Variants in PCDHGA10 observed in about 807,000 individuals in gnomAD.
The protein encoded by PCDHGA10 is protocadherin gamma subfamily A, 10.
PCDHGA10 carries 42 observed loss-of-function variants against 59.5 expected under a neutral mutation model. The ratio of observed to expected loss-of-function variants is 0.71; its 90% CI spans 0.55 to 0.91. PCDHGA10 has a LOEUF of 0.91. PCDHGA10 is among the 40% of genes least tolerant of loss of function. PCDHGA10 has a pLI of 0.00. For missense variants in PCDHGA10, 1,111 were observed against 1,198.2 expected (o/e 0.93, Z 1.07); for synonymous variants, 511 against 517.2 (o/e 0.99, Z 0.16).
intron 1 of PCDHGA10, among the ~76,000 whole-genome samples, chr5:141,465,879 T>C (rs979784878): frequency 6.6e-6 from 1 of 152,062 alleles, no homozygotes; most frequent in African/African-American, 2.4e-5. Context: ...TCCCAGCACT[T>C]TGGGAGGCCG....
Position 141,486,059 on chromosome 5 carries a change from C to A in PCDHGA10, c.2437-8748C>A. On this transcript the variant is annotated intron_variant, in intron 1 of 3. Transcript: ENST00000398610. This position sits in a 1 kb window ranked among gnomAD's most constrained non-coding sequence, Gnocchi z 5.0. ...TCGTGTAAGAAACCTCTTTAGCCTG[C>A]ACCCCACTACTGGAAAGCTTACTCT... 1 of 1,614,152 alleles carries A rather than the reference C, an allele frequency of 6.2e-7. No homozygotes were observed. Among genetic ancestry groups the A allele is most frequent in the Non-Finnish European group, 8.5e-7 (1 of 1,180,010 alleles).
Position 141,438,021 on chromosome 5 carries a change from G to T in PCDHGA10, c.2436+22410G>T, listed in dbSNP as rs112167613. ...CTCCCAAATAGCTGAGATTACAGGT[G>T]TGAGCCACCATGCCCGACCACTTTG... On this transcript the variant is annotated intron_variant, in intron 1 of 3. Transcript: ENST00000398610. Among the ~76,000 whole-genome samples the T allele has an allele frequency of 1.6e-3, 250 of 152,256 alleles. 2 individuals are homozygous for T. Among genetic ancestry groups the T allele is most frequent in the African/African-American group, 5.3e-3 (221 of 41,544 alleles).
At chr5:141,427,712 C>CCTGG (rs1319672065) in intron 1 of PCDHGA10, 7 of 1,051,350 alleles carry the variant, frequency 6.7e-6, no homozygotes, top group Non-Finnish European at 1.0e-5. Context: ...GCGCCTCTGA[C>CCTGG]CTGGACCTAG....
intron 1 of PCDHGA10, among the ~76,000 whole-genome samples, chr5:141,474,062 C>G (rs745636246): frequency 6.6e-6 from 1 of 152,104 alleles, no homozygotes; most frequent in Non-Finnish European, 1.5e-5. Flanking sequence ...AGAGCGAGAT[C>G]CTGCCTCAGA....
At position 141,505,499 on chromosome 5, in the gene PCDHGA10, G is replaced by A. The variant is rs753203943; in HGVS notation, c.2584+18G>A. ...CGCCAGTGGTAAGTGGTGTCAGTGT[G>A]TGTATGGAAGAGTGGGAGACCTGGG... is the stretch of plus-strand genomic sequence containing the variant. On this transcript the variant is annotated intron_variant, in intron 3 of 3. Transcript: ENST00000398610. 6.2e-7 allele frequency: 1 copy of A among 1,614,172 alleles called. No homozygotes were observed. The highest frequency in any genetic ancestry group is 8.5e-7 in the Non-Finnish European group (1 of 1,179,982).
At chr5:141,435,902 A>G (rs896786345) in intron 1 of PCDHGA10, among the ~76,000 whole-genome samples, 1 of 152,194 alleles carries the variant, frequency 6.6e-6, no homozygotes, top group Non-Finnish European at 1.5e-5. Flanking sequence ...AATGAAAGAC[A>G]TCCAAGGGCT....
rs1362496624 is a variant in PCDHGA10, at chr5:141,432,370, C to T, written c.2436+16759C>T. On this transcript the variant is annotated intron_variant, in intron 1 of 3. Coordinates refer to ENST00000398610, the MANE Select transcript of PCDHGA10 (RefSeq NM_018913.3). This position sits in a 1 kb window ranked among gnomAD's most constrained non-coding sequence, Gnocchi z 6.0. ...AAGTGAAAGTGATGGCGCGGGACAA[C>T]GGGCACCCGCCCCTCAGCAGCAACG... The T allele has an allele frequency of 6.2e-7, 1 of 1,614,240 alleles. No individual in the cohort carries two copies. Among genetic ancestry groups the T allele is most frequent in the Non-Finnish European group, 8.5e-7 (1 of 1,180,048 alleles).
At position 141,486,931 on chromosome 5, in the gene PCDHGA10, T is replaced by C. The variant is rs201042803; in HGVS notation, c.2437-7876T>C. 2 of 1,614,258 alleles carry C rather than the reference T, an allele frequency of 1.2e-6. No homozygotes were observed. Among genetic ancestry groups the C allele is most frequent in the East Asian group, 2.2e-5 (1 of 44,876 alleles). ...AAGCACTGCCTCCATCAGTTGGTGC[T>C]GGCCACCTAATCACAAAGGTGACTG... On this transcript the variant is annotated intron_variant, in intron 1 of 3. Coordinates refer to ENST00000398610, the MANE Select transcript of PCDHGA10 (RefSeq NM_018913.3). This position sits in a 1 kb window ranked among gnomAD's most constrained non-coding sequence, Gnocchi z 5.0.
In PCDHGA10 at chr5:141,486,047, C is replaced by T. The variant is rs763394605; in HGVS notation, c.2437-8760C>T. Reference sequence around the variant, plus strand: ...TCATACCCCTGATCGTGTAAGAAACCTCTTTAGCCTGCACCCCACTACTGG... The same window carrying T: ...TCATACCCCTGATCGTGTAAGAAACTTCTTTAGCCTGCACCCCACTACTGG... On this transcript the variant is annotated intron_variant, in intron 1 of 3. Transcript: ENST00000398610. The surrounding 1 kb of genome is among the most constrained non-coding windows in gnomAD (Gnocchi z 5.0). 2.5e-6 allele frequency: 4 copies of T among 1,614,054 alleles called. No individual in the cohort carries two copies. The African/African-American group carries it at 5.3e-5, about 22-fold the overall frequency.
At position 141,427,736 on chromosome 5, in the gene PCDHGA10, A is replaced by G. The variant is rs781594851; in HGVS notation, c.2436+12125A>G. 3.3e-6 allele frequency: 4 copies of G among 1,214,562 alleles called. No individual in the cohort carries two copies. In the South Asian group the frequency reaches 4.9e-5, roughly 15 times the overall value. The allele number at this position is 1,214,562 out of a possible 1,614,324, so 75.2% of individuals were successfully genotyped here. ...ACCTGGACCTAGGGCTGAATGGCCA[A>G]GTCTCCTACTCCATCGTTACCACTG... On this transcript the variant is annotated intron_variant, in intron 1 of 3. Coordinates refer to ENST00000398610, the MANE Select transcript of PCDHGA10 (RefSeq NM_018913.3).
Position 141,415,450 on chromosome 5 carries a change from C to T in PCDHGA10, c.2275C>T (p.His759Tyr), listed in dbSNP as rs774745130. ...GVRAFLQTYS[H>Y]EVSLTADSRK... ...TCGGGCTTTCCTGCAGACCTATTCCCACGAGGTCTCTCTCACCGCGGACTC... is the reference window on the plus strand; with the variant it reads ...TCGGGCTTTCCTGCAGACCTATTCCTACGAGGTCTCTCTCACCGCGGACTC... The change falls in exon 1 of 4, where the codon CAC becomes TAC. Residue 759 changes from histidine (H) to tyrosine (Y), a missense_variant. Physicochemically the swap from His to Tyr is moderately conservative, Grantham distance 83. Coordinates refer to ENST00000398610, the MANE Select transcript of PCDHGA10 (RefSeq NM_018913.3). The T allele has an allele frequency of 1.9e-6, 3 of 1,614,202 alleles. No individual in the cohort carries two copies. Among genetic ancestry groups the T allele is most frequent in the Non-Finnish European group, 2.5e-6 (3 of 1,180,044 alleles).
intron 1 of PCDHGA10, chr5:141,418,940 C>T (rs867717378): frequency 5.6e-6 from 9 of 1,614,010 alleles, no homozygotes; most frequent in Non-Finnish European, 7.6e-6. Flanking sequence ...GGAGGATTCC[C>T]CTCCAGGAGT....
At chr5:141,430,551 C>T (rs2097292247) in intron 1 of PCDHGA10, 2 of 406,412 alleles carry the variant, frequency 4.9e-6, no homozygotes, top group Admixed American at 4.1e-5. Context: ...CCGCTGTTCA[C>T]CAATCGGGGA....
At position 141,510,973 on chromosome 5, in the gene PCDHGA10, G is replaced by A. The variant is rs1448442252; in HGVS notation, c.2611G>A (p.Gly871Arg). 2 of 1,614,042 alleles carry A rather than the reference G, an allele frequency of 1.2e-6. No individual in the cohort carries two copies. Among genetic ancestry groups the A allele is most frequent in the East Asian group, 2.2e-5 (1 of 44,894 alleles). ...AGCTGCTGATGGGAGCTCCACCCTG[G>A]GAGGGGGTGCCGGCACCATGGGATT... ...SEAADGSSTL[G>R]GGAGTMGLSA... Residue 871 changes from glycine (G) to arginine (R), a missense_variant, in exon 4 of 4, where the codon GGA (glycine) becomes AGA (arginine). Gly to Arg is a moderately radical substitution (Grantham distance 125). Transcript: ENST00000398610.
At chr5:141,498,338 G>A (rs2237079) in intron 2 of PCDHGA10, among the ~76,000 whole-genome samples, 68,665 of 151,630 alleles carry the variant, frequency 0.45, 15,766 homozygotes, top group Admixed American at 0.55. Flanking sequence ...CATTCCAAAT[G>A]GGAAAAGCCT....
Position 141,414,310 on chromosome 5 carries a change from G to A in PCDHGA10, c.1135G>A (p.Asp379Asn). ...VVALLNVHDL[D>N]SEQNGQVTCS... Reference sequence around the variant, plus strand: ...AGCCCTTTTAAATGTGCATGATTTAGACTCTGAGCAGAATGGACAGGTAAC... The same window carrying A: ...AGCCCTTTTAAATGTGCATGATTTAAACTCTGAGCAGAATGGACAGGTAAC... Residue 379 changes from aspartate (D) to asparagine (N), a missense_variant, in exon 1 of 4, where the codon GAC becomes AAC. By Grantham distance (23) the Asp-to-Asn change is conservative. Transcript: ENST00000398610. 1 of 1,613,722 alleles carries A rather than the reference G, an allele frequency of 6.2e-7. No homozygotes were observed. The highest frequency in any genetic ancestry group is 1.1e-5 in the South Asian group (1 of 91,052).
rs1036281905 is a variant in PCDHGA10 at position 141,493,555 on chromosome 5, T to C, written c.2437-1252T>C. ...GCCAGTTATCCTTTTGGAGATTGAG[T>C]TCCCCCAGCTCCGTTTCCTCCTATC... On this transcript the variant is annotated intron_variant, in intron 1 of 3. Transcript: ENST00000398610. This position sits in a 1 kb window ranked among gnomAD's most constrained non-coding sequence, Gnocchi z 4.3. Among the ~76,000 whole-genome samples, 3 of 152,012 alleles carry C rather than the reference T, an allele frequency of 2.0e-5. No individual in the cohort carries two copies. Among genetic ancestry groups the C allele is most frequent in the African/African-American group, 7.3e-5 (3 of 41,362 alleles).
At chr5:141,494,326 G>C (rs2154591458) in intron 1 of PCDHGA10, among the ~76,000 whole-genome samples, 1 of 152,312 alleles carries the variant, frequency 6.6e-6, no homozygotes, top group Middle Eastern at 3.4e-3. Context: ...GGCACCAAAA[G>C]GGTTACCAAG....
intron 1 of PCDHGA10, chr5:141,417,887 C>A: frequency 6.4e-7 from 1 of 1,564,888 alleles, no homozygotes; most frequent in Non-Finnish European, 8.7e-7. Context: ...GCAGAGGCGC[C>A]GGGCCGGCCC....
Sources: allele counts gnomAD v4.1 joint callset (sites outside exome capture counted in the v4.1 genomes callset), GRCh38; gene constraint gnomAD v4.1.1; non-coding constraint Gnocchi (gnomAD v3.1); transcripts MANE v1.5; gene names NCBI Gene and HGNC (gene_info 2026-07-23, HGNC 2026-07-21).